Variants in HMGA1 observed in about 807,000 individuals in gnomAD.
HMGA1 encodes the protein high mobility group AT-hook 1.
A neutral mutation model predicts 15.1 loss-of-function variants in HMGA1; 1 was observed. The observed-to-expected ratio is 0.07, with a 90% CI of 0.02 to 0.31. The LOEUF is 0.31. Ranked by LOEUF, HMGA1 falls within the 10% of genes least tolerant of loss-of-function variation. The probability of loss-of-function intolerance (pLI) is 1.00; values close to 1 mark genes in which losing one functional copy is unlikely to be tolerated. For synonymous variants in HMGA1, 56 were observed against 54.8 expected (o/e 1.02, Z -0.10); for missense variants, 94 against 141.4 (o/e 0.66, Z 1.70).
At chr6:34,244,651 T>C (rs1034614523) in intron 5 of HMGA1, among the ~76,000 whole-genome samples, 180 bp from the exon 6 acceptor site, 1 of 151,988 alleles carries the variant, frequency 6.6e-6, no homozygotes, top group African/African-American at 2.4e-5. Context: ...TTTTCCTCCT[T>C]TTAAATTCTT....
At chr6:34,242,355 A>ATGAGGAAAC in intron 3 of HMGA1, among the ~76,000 whole-genome samples, 1 of 152,272 alleles carries the variant, frequency 6.6e-6, no homozygotes, top group East Asian at 1.9e-4. Flanking sequence ...CCATTTATAG[A>ATGAGGAAAC]TGAGGAAACT....
chr6:34,245,178 AGCC>A lies in HMGA1; in HGVS notation c.*297_*299del. ...CCTGGACAAGGCTAACATCCCACTTAGCCGCACCCTGCACCTGCTGCGTCCCCA... is the reference window on the plus strand; with the variant it reads ...CCTGGACAAGGCTAACATCCCACTTAGCACCCTGCACCTGCTGCGTCCCCA... On this transcript the variant is annotated 3_prime_UTR_variant, in exon 6 of 6. Coordinates refer to ENST00000311487, the MANE Select transcript of HMGA1 (RefSeq NM_145899.3). 6.9e-7 allele frequency: 1 copy of A among 1,440,092 alleles called. No homozygotes were observed. Among genetic ancestry groups the A allele is most frequent in the African/African-American group, 1.4e-5 (1 of 71,388 alleles). 89.2% of individuals were successfully genotyped at this position (1,440,092 alleles called of 1,614,324 possible).
chr6:34,239,495 C>T (rs1437639382), intron 2 of HMGA1, among the ~76,000 whole-genome samples: 1 of 152,024 alleles, frequency 6.6e-6, no homozygotes, highest in East Asian at 1.9e-4. Flanking sequence ...AAACTATTAC[C>T]TAGTTTGATC....
In HMGA1 at chr6:34,242,693, A is replaced by AC. The variant is rs139876191; in HGVS notation, c.136-14dup. 57,797 of 1,537,206 alleles carry AC rather than the reference A, an allele frequency of 0.038. 2,965 individuals carry two copies. The highest frequency in any genetic ancestry group is 0.25 in the Admixed American group (13,280 of 52,584). Reference sequence around the variant, plus strand: ...AAACAGGTGATGACTGTCCCTGACTACCCCCTCTGTCTTTACAGAAGGAGC... The same window carrying AC: ...AAACAGGTGATGACTGTCCCTGACTACCCCCCTCTGTCTTTACAGAAGGAGC... On this transcript the variant is annotated intron_variant, in intron 3 of 5. Transcript: ENST00000311487.
chr6:34,237,782 C>T (rs1389363058), intron 2 of HMGA1, among the ~76,000 whole-genome samples: 2 of 151,646 alleles, frequency 1.3e-5, no homozygotes, highest in Non-Finnish European at 1.5e-5. Flanking sequence ...CCCCCCGCAG[C>T]TCAGGGAAGT....
chr6:34,241,022 C>T (rs894814949), intron 3 of HMGA1, 107 bp downstream of exon 3: 1 of 1,320,220 alleles, frequency 7.6e-7, no homozygotes, highest in African/African-American at 1.5e-5. Context: ...CAGAATGATT[C>T]TGCGCAGTAA....
chr6:34,239,659 C>A (rs1020028618), intron 2 of HMGA1, among the ~76,000 whole-genome samples: 1 of 150,288 alleles, frequency 6.7e-6, no homozygotes, highest in African/African-American at 2.4e-5. Context: ...AGGCCTCCGG[C>A]GTCTCATCCA....
At chr6:34,244,339 C>G (rs1428723264) in intron 5 of HMGA1, among the ~76,000 whole-genome samples, 2 of 152,114 alleles carry the variant, frequency 1.3e-5, no homozygotes, top group African/African-American at 4.8e-5. Flanking sequence ...TCCTCCCCAC[C>G]CCGGCCTAGG....
intron 5 of HMGA1, among the ~76,000 whole-genome samples, chr6:34,243,771 T>C (rs546127097): frequency 6.6e-6 from 1 of 152,134 alleles, no homozygotes; most frequent in Admixed American, 6.5e-5. Context: ...TGGGGGTCCC[T>C]CCCTCTCCTG....
rs753342168 is a variant in HMGA1 at position 34,243,570 on chromosome 6, G to T, written c.270+52G>T. The T allele has an allele frequency of 3.5e-6, 5 of 1,431,296 alleles. No homozygotes were observed. In the South Asian group the frequency reaches 4.6e-5, roughly 13 times the overall value. 88.7% of individuals were successfully genotyped at this position (1,431,296 alleles called of 1,614,324 possible). A position where few individuals can be genotyped will look rare whatever the true frequency, so the allele number is the denominator to read the frequency against. The stretch of plus-strand genomic sequence containing the variant: ...GCCTCCTGGGCTCTTTTGAGTTGAG[G>T]GTGTTGAGTACACAGTACCTGATGC... On this transcript the variant is annotated intron_variant, in intron 5 of 5. Transcript: ENST00000311487.
At chr6:34,243,650 A>G (rs1762478174) in intron 5 of HMGA1, 132 bp downstream of exon 5, 5 of 802,370 alleles carry the variant, frequency 6.2e-6, no homozygotes, top group Non-Finnish European at 1.1e-5. Flanking sequence ...CAGATTTTAC[A>G]GAAGTCCAGA....
Position 34,246,192 on chromosome 6 carries a change from A to G in HMGA1, c.*1308A>G. ...CCTGGGGCTCCCTCTCTGGTTTCCTATTTGCAGTTACTTGAATAAAAAAAA... is the reference window on the plus strand; with the variant it reads ...CCTGGGGCTCCCTCTCTGGTTTCCTGTTTGCAGTTACTTGAATAAAAAAAA... On this transcript the variant is annotated 3_prime_UTR_variant, in exon 6 of 6. Coordinates refer to ENST00000311487, the MANE Select transcript of HMGA1 (RefSeq NM_145899.3). The G allele has an allele frequency of 3.8e-6, 1 of 264,448 alleles. No individual in the cohort carries two copies. Among genetic ancestry groups the G allele is most frequent in the South Asian group, 1.2e-4 (1 of 8,160 alleles). The allele number at this position is 264,448 out of a possible 1,614,324, so 16.4% of individuals were successfully genotyped here.
At position 34,240,851 on chromosome 6, in the gene HMGA1, G is replaced by A; in HGVS notation, c.71G>A (p.Arg24Gln). 1.2e-6 allele frequency: 2 copies of A among 1,613,454 alleles called. No individual in the cohort carries two copies. The highest frequency in any genetic ancestry group is 1.7e-6 in the Non-Finnish European group (2 of 1,179,846). Residue 24 changes from arginine to glutamine, a missense_variant, in exon 3 of 6, where the codon CGG (arginine) becomes CAG (glutamine). Coordinates refer to ENST00000311487, the MANE Select transcript of HMGA1 (RefSeq NM_145899.3). ...SKQEKDGTEK[R>Q]GRGRPRKQPP... The stretch of plus-strand genomic sequence containing the variant: ...CAGGAAAAGGACGGCACTGAGAAGC[G>A]GGGCCGGGGCAGGCCGCGCAAGCAG...
chr6:34,243,615 G>A, intron 5 of HMGA1, 97 bp downstream of exon 5: 2 of 1,012,696 alleles, frequency 2.0e-6, no homozygotes, highest in Non-Finnish European at 1.5e-6. Context: ...CCTATGGAAA[G>A]GCTCTCCTTG....
At chr6:34,237,754 A>G (rs1159335082) in intron 2 of HMGA1, among the ~76,000 whole-genome samples, 2 of 150,740 alleles carry the variant, frequency 1.3e-5, no homozygotes. Context: ...GCGCGGCAGG[A>G]GAGTGGGGGG....
intron 2 of HMGA1, among the ~76,000 whole-genome samples, chr6:34,239,849 C>A (rs1303856869): frequency 6.6e-6 from 1 of 152,088 alleles, no homozygotes; most frequent in Non-Finnish European, 1.5e-5. Flanking sequence ...AAGGAAGATG[C>A]TAGAAAATGA....
intron 2 of HMGA1, among the ~76,000 whole-genome samples, chr6:34,238,412 C>A (rs1762008413): frequency 6.6e-6 from 1 of 152,190 alleles, no homozygotes; most frequent in Non-Finnish European, 1.5e-5. Flanking sequence ...TTGAAAGGGT[C>A]TCCGGGAACC....
rs1554143043 is a variant in HMGA1 at position 34,242,697 on chromosome 6, CCT to C, written c.136-12_136-11del. 132 of 1,554,564 alleles carry C rather than the reference CCT, an allele frequency of 8.5e-5. No homozygotes were observed. Among genetic ancestry groups the C allele is most frequent in the Non-Finnish European group, 5.5e-5 (63 of 1,144,252 alleles). On this transcript the variant is annotated splice_polypyrimidine_tract_variant and intron_variant, in intron 3 of 5. Transcript: ENST00000311487. ...AGGTGATGACTGTCCCTGACTACCCCCTCTGTCTTTACAGAAGGAGCCCAGCG... is the reference window on the plus strand; with the variant it reads ...AGGTGATGACTGTCCCTGACTACCCCCTGTCTTTACAGAAGGAGCCCAGCG...
At chr6:34,242,855 C>A in intron 4 of HMGA1, 60 bp downstream of exon 4, 1 of 1,264,314 alleles carries the variant, frequency 7.9e-7, no homozygotes, top group Non-Finnish European at 1.1e-6. Context: ...CTCTTGTTGG[C>A]ACCATGGCCA....
Sources: gnomAD v4.1 joint callset for allele counts (sites outside exome capture counted in the v4.1 genomes callset) on GRCh38, gnomAD v4.1.1 for gene constraint, MANE v1.5 for transcripts, NCBI Gene and HGNC (gene_info 2026-07-23, HGNC 2026-07-21) for gene names.